The following TXNL1 variants were observed in gnomAD, a reference collection of about 807,000 sequenced individuals.
TXNL1 encodes the protein thioredoxin-like protein 1.
Under a neutral mutation model 35.5 loss-of-function variants are expected in TXNL1, and 14 were observed. The ratio of observed to expected loss-of-function variants is 0.39; its 90% CI spans 0.26 to 0.62. TXNL1 has a LOEUF of 0.62. TXNL1 is among the 20% of genes least tolerant of loss of function. The pLI is 0.47. For missense variants in TXNL1, 263 were observed against 349.7 expected, an observed-to-expected ratio of 0.75 and a Z score of 1.98; for synonymous variants, 110 against 115.5, an observed-to-expected ratio of 0.95 and a Z score of 0.31.
chr18:56,625,647 G>A (rs1001632982), intron 2 of TXNL1, among the ~76,000 whole-genome samples: 1 of 152,152 alleles, frequency 6.6e-6, no homozygotes, highest in Non-Finnish European at 1.5e-5. Flanking sequence ...TGTGTGTAAT[G>A]TAGGGTTTTC....
intron 6 of TXNL1, among the ~76,000 whole-genome samples, chr18:56,613,074 G>A (rs1220984166): frequency 6.6e-6 from 1 of 151,814 alleles, no homozygotes; most frequent in South Asian, 2.1e-4. Context: ...TCATGGGCTC[G>A]AGCAATCTGC....
At position 56,613,585 on chromosome 18, in the gene TXNL1, G is replaced by A. The variant is rs2024031823; in HGVS notation, c.735+839C>T. On this transcript the variant is annotated intron_variant, in intron 6 of 7. Transcript: ENST00000217515. ...ACCCAGCACTTTGGGAGGCTGAGGTGGGAGGACTGCTTGAGCCCAGGAGTT... is the reference window on the plus strand; with the variant it reads ...ACCCAGCACTTTGGGAGGCTGAGGTAGGAGGACTGCTTGAGCCCAGGAGTT... Among the ~76,000 whole-genome samples, 3 of 152,134 alleles carry A rather than the reference G, an allele frequency of 2.0e-5. 1 individual carries two copies. In the South Asian group the frequency reaches 6.2e-4, roughly 32 times the overall value.
intron 1 of TXNL1, among the ~76,000 whole-genome samples, chr18:56,633,167 G>C (rs2024400914): frequency 6.6e-6 from 1 of 152,082 alleles, no homozygotes; most frequent in Admixed American, 6.5e-5. Flanking sequence ...TAAAACTTAG[G>C]CAGGGCACGG....
intron 1 of TXNL1, among the ~76,000 whole-genome samples, chr18:56,628,467 T>C (rs2024321900): frequency 6.6e-6 from 1 of 152,218 alleles, no homozygotes; most frequent in Non-Finnish European, 1.5e-5. Context: ...AAGCTAATTA[T>C]AGTTATACAA....
At chr18:56,631,270 C>T (rs913802011) in intron 1 of TXNL1, among the ~76,000 whole-genome samples, 2 of 152,110 alleles carry the variant, frequency 1.3e-5, no homozygotes, top group African/African-American at 4.8e-5. Context: ...GAACAAGTCA[C>T]CTGATTTCTC....
intron 7 of TXNL1, chr18:56,605,419 A>G (rs1228141162): frequency 6.6e-6 from 1 of 152,244 alleles, no homozygotes; most frequent in African/African-American, 2.4e-5. Context: ...TTACAAAAAT[A>G]GCTGATACGG....
chr18:56,631,907 C>T (rs552363206), intron 1 of TXNL1, among the ~76,000 whole-genome samples: 192 of 142,328 alleles, frequency 1.3e-3, no homozygotes, highest in Middle Eastern at 7.3e-3. Context: ...GCAAAAACAG[C>T]GAAACTCTGT....
rs2024496656 is a variant in TXNL1 at position 56,638,554 on chromosome 18, G to A, written c.-114C>T. On this transcript the variant is annotated 5_prime_UTR_variant, in exon 1 of 8. Transcript: ENST00000217515. ...CAGGAAGGCCGAGGCCTGGACAGAAGAGGTGGCGACCGCCGAGTCTTCTCC... is the reference window on the plus strand; with the variant it reads ...CAGGAAGGCCGAGGCCTGGACAGAAAAGGTGGCGACCGCCGAGTCTTCTCC... 8.2e-6 allele frequency: 9 copies of A among 1,099,758 alleles called. No homozygotes were observed. The South Asian group carries it at 1.4e-4, about 18-fold the overall frequency. The allele number at this position is 1,099,758 out of a possible 1,614,324, so 68.1% of individuals were successfully genotyped here. A position where few individuals can be genotyped will look rare whatever the true frequency, so the allele number is the denominator to read the frequency against.
intron 6 of TXNL1, among the ~76,000 whole-genome samples, chr18:56,613,111 A>T (rs1410974510): frequency 6.6e-6 from 1 of 152,252 alleles, no homozygotes; most frequent in Non-Finnish European, 1.5e-5. Flanking sequence ...AAATGCTGGG[A>T]TTACAGGAGT....
At position 56,638,413 on chromosome 18, in the gene TXNL1, C is replaced by A. The variant is rs1487163897; in HGVS notation, c.28G>T (p.Asp10Tyr). 1 of 1,613,454 alleles carries A rather than the reference C, an allele frequency of 6.2e-7. No homozygotes were observed. The highest frequency in any genetic ancestry group is 8.5e-7 in the Non-Finnish European group (1 of 1,179,724). ...CTCAGCTCTGGCTGGAAATCCGGGT[C>A]GCTCCCGACGGGCTTCACCCCCACC... is the stretch of plus-strand genomic sequence containing the variant. MVGVKPVGS[D>Y]PDFQPELSGA... The change falls in exon 1 of 8, where the codon GAC (aspartate) becomes TAC (tyrosine). Residue 10 changes from aspartate to tyrosine, a missense_variant. Asp to Tyr is a radical substitution (Grantham distance 160). Coordinates refer to ENST00000217515, the MANE Select transcript of TXNL1 (RefSeq NM_004786.3).
At position 56,597,290 on chromosome 18, in the gene TXNL1, T is replaced by C. The variant is rs2023757225; in HGVS notation, c.*5737A>G. 6.6e-6 allele frequency: 1 copy of C among 152,244 alleles called. No individual in the cohort carries two copies. Among genetic ancestry groups the C allele is most frequent in the Non-Finnish European group, 1.5e-5 (1 of 68,042 alleles). The allele number at this position is 152,244 out of a possible 1,614,324, so 9.4% of individuals were successfully genotyped here. On this transcript the variant is annotated 3_prime_UTR_variant, in exon 8 of 8. Transcript: ENST00000217515. ...AAATAGTGCCATCCATCTCCAAGTTTTGCCAAGTGTCATGTAAAACTGTGT... is the reference window on the plus strand; with the variant it reads ...AAATAGTGCCATCCATCTCCAAGTTCTGCCAAGTGTCATGTAAAACTGTGT...
chr18:56,631,208 C>T (rs2024364862), intron 1 of TXNL1, among the ~76,000 whole-genome samples: 1 of 152,140 alleles, frequency 6.6e-6, no homozygotes, highest in Non-Finnish European at 1.5e-5. Context: ...AGATGTCTGT[C>T]TCCTTAACAG....
intron 1 of TXNL1, among the ~76,000 whole-genome samples, chr18:56,633,372 G>A (rs981537853): frequency 6.6e-6 from 1 of 150,706 alleles, no homozygotes; most frequent in African/African-American, 2.4e-5. Flanking sequence ...GCGTGAACTC[G>A]GGAGGTGGAG....
chr18:56,629,263 C>A (rs987617380), intron 1 of TXNL1, among the ~76,000 whole-genome samples: 8 of 152,256 alleles, frequency 5.3e-5, no homozygotes, highest in African/African-American at 1.9e-4. Flanking sequence ...CACGCTGGCT[C>A]ACGCCTATAA....
intron 6 of TXNL1, among the ~76,000 whole-genome samples, chr18:56,612,732 G>A (rs781285122): frequency 2.9e-4 from 44 of 151,990 alleles, no homozygotes; most frequent in Admixed American, 1.4e-3. Flanking sequence ...CCACTCATTC[G>A]TCAGTTTTTA....
At position 56,638,451 on chromosome 18, in the gene TXNL1, A is replaced by G. The variant is rs138658242; in HGVS notation, c.-11T>C. 301 of 1,609,100 alleles carry G rather than the reference A, an allele frequency of 1.9e-4. 1 individual carries two copies. In the African/African-American group the frequency reaches 2.7e-3, roughly 14 times the overall value. On this transcript the variant is annotated 5_prime_UTR_variant, in exon 1 of 8. Transcript: ENST00000217515. Reference sequence around the variant, plus strand: ...CTTCACCCCCACCATCCTCACAGAGAGCCCGGCAGGGTGGCCGCGACGCCA... The same window carrying G: ...CTTCACCCCCACCATCCTCACAGAGGGCCCGGCAGGGTGGCCGCGACGCCA...
At chr18:56,607,788 A>C (rs955547997) in intron 7 of TXNL1, among the ~76,000 whole-genome samples, 1 of 152,114 alleles carries the variant, frequency 6.6e-6, no homozygotes, top group Non-Finnish European at 1.5e-5. Flanking sequence ...CCCGGGAGGC[A>C]GAGGTTGCAG....
intron 3 of TXNL1, among the ~76,000 whole-genome samples, chr18:56,621,348 C>T (rs576925084): frequency 6.6e-6 from 1 of 152,036 alleles, no homozygotes; most frequent in Admixed American, 6.6e-5. Context: ...CAGTGTGCCA[C>T]TGCACCTGGC....
At chr18:56,623,540 A>C (rs2024226376) in intron 3 of TXNL1, among the ~76,000 whole-genome samples, 1 of 152,124 alleles carries the variant, frequency 6.6e-6, no homozygotes, top group African/African-American at 2.4e-5. Context: ...AACTATATAT[A>C]TCTCTTAGTA....
Sources: gnomAD v4.1 joint callset for allele counts (sites outside exome capture counted in the v4.1 genomes callset) on GRCh38, gnomAD v4.1.1 for gene constraint, MANE v1.5 for transcripts, NCBI Gene and HGNC (gene_info 2026-07-23, HGNC 2026-07-21) for gene names.